The following MYO9A variants were observed in gnomAD, a reference collection of about 807,000 sequenced individuals.
MYO9A encodes unconventional myosin-IXa.
MYO9A carries 103 observed loss-of-function variants against 293.3 expected under a neutral mutation model. The ratio of observed to expected loss-of-function variants is 0.35; its 90% CI spans 0.30 to 0.41. The LOEUF (loss-of-function observed/expected upper bound fraction) is 0.41. MYO9A is among the 10% of genes least tolerant of loss of function. The pLI, the probability that MYO9A is intolerant of heterozygous loss-of-function variation, is 1.00. For synonymous variants in MYO9A, 1,001 were observed against 1,035.7 expected, an observed-to-expected ratio of 0.97 and a Z score of 0.64; for missense variants, 2,685 against 3,033.0, an observed-to-expected ratio of 0.89 and a Z score of 2.69.
At chr15:72,018,104 A>T (rs1372505847) in intron 6 of MYO9A, among the ~76,000 whole-genome samples, 3 of 151,964 alleles carry the variant, frequency 2.0e-5, no homozygotes, top group East Asian at 1.9e-4. Context: ...TATAATTTTT[A>T]AAAAATTAAA....
chr15:72,094,542 G>A lies in MYO9A; in HGVS notation c.-72+23138C>T, dbSNP rs1291965074. On this transcript the variant is annotated intron_variant, in intron 1 of 41. Transcript: ENST00000356056. Reference sequence around the variant, plus strand: ...TATTTATTTTTAGAGACAGGATCTCGCTCTGTCACCCAGGTTGCAGTGCAG... The same window carrying A: ...TATTTATTTTTAGAGACAGGATCTCACTCTGTCACCCAGGTTGCAGTGCAG... Among the ~76,000 whole-genome samples the A allele has an allele frequency of 6.6e-5, 6 of 90,636 alleles. 2 individuals are homozygous for A. The highest frequency in any genetic ancestry group is 1.3e-4 in the Non-Finnish European group (4 of 30,022). 59.5% of individuals were successfully genotyped at this position (90,636 alleles called of 152,430 possible). A position where few individuals can be genotyped will look rare whatever the true frequency, so the allele number is the denominator to read the frequency against.
At chr15:71,957,172 C>T (rs940462331) in intron 14 of MYO9A, among the ~76,000 whole-genome samples, 6 of 152,238 alleles carry the variant, frequency 3.9e-5, no homozygotes, top group East Asian at 3.9e-4. Context: ...AAACGTATTA[C>T]GGAGTGGCTA....
intron 1 of MYO9A, among the ~76,000 whole-genome samples, chr15:72,079,392 A>C (rs765012556): frequency 6.6e-6 from 1 of 152,170 alleles, no homozygotes; most frequent in Non-Finnish European, 1.5e-5. Flanking sequence ...CATACTATAA[A>C]ATTTTGGCAT....
Position 72,010,344 on chromosome 15 carries a change from A to T in MYO9A, c.1253+6T>A, listed in dbSNP as rs1434833965. 1 of 1,610,342 alleles carries T rather than the reference A, an allele frequency of 6.2e-7. No individual in the cohort carries two copies. Among genetic ancestry groups the T allele is most frequent in the Non-Finnish European group, 8.5e-7 (1 of 1,176,922 alleles). ...AGAGATATAAAAATACAACAAGTAA[A>T]CTCACTGTCTTCGTGTCTTGGGAAG... On this transcript the variant is annotated splice_donor_region_variant and intron_variant, in intron 7 of 41. Coordinates refer to ENST00000356056, the MANE Select transcript of MYO9A (RefSeq NM_006901.4).
chr15:71,970,995 G>GA (rs773506265), intron 12 of MYO9A, among the ~76,000 whole-genome samples: 37 of 151,586 alleles, frequency 2.4e-4, no homozygotes, highest in Admixed American at 4.6e-4. Context: ...CATCTCTACT[G>GA]AAAAAACACA....
At chr15:71,901,400 T>A (rs750763357) in intron 22 of MYO9A, 60 bp from the exon 23 acceptor site, 5 of 1,504,376 alleles carry the variant, frequency 3.3e-6, no homozygotes, top group Non-Finnish European at 4.5e-6. Context: ...ATTTATTTCA[T>A]GAATCATCCT....
intron 32 of MYO9A, among the ~76,000 whole-genome samples, chr15:71,866,862 G>A (rs940170495): frequency 1.3e-5 from 2 of 152,064 alleles, no homozygotes; most frequent in Non-Finnish European, 2.9e-5. Flanking sequence ...TTTGAGATCA[G>A]CCTGACCAAC....
At chr15:72,090,320 T>C (rs2079866250) in intron 1 of MYO9A, among the ~76,000 whole-genome samples, 1 of 152,202 alleles carries the variant, frequency 6.6e-6, no homozygotes, top group African/African-American at 2.4e-5. Flanking sequence ...AAATATACCA[T>C]GCATTTCTTA....
intron 1 of MYO9A, chr15:72,116,821 G>C (rs1214274080): frequency 1.3e-5 from 2 of 152,226 alleles, no homozygotes; most frequent in Non-Finnish European, 2.9e-5. Context: ...ACACAGAACA[G>C]ACAAGACGAG....
rs570370353 is a variant in MYO9A at position 72,081,097 on chromosome 15, C to A, written c.-71-34463G>T. 3.9e-5 allele frequency among the ~76,000 whole-genome samples: 6 copies of A among 152,196 alleles called. No individual in the cohort carries two copies. In the South Asian group the frequency reaches 1.2e-3, roughly 32 times the overall value. On this transcript the variant is annotated intron_variant, in intron 1 of 41. Transcript: ENST00000356056. ...GGGTATACACCCAGTAATGAGATTG[C>A]TGGGTTGAATGGTAGTTCTTTTTAG...
chr15:72,046,616 C>A lies in MYO9A; in HGVS notation c.-53G>T. 4 of 1,459,766 alleles carry A rather than the reference C, an allele frequency of 2.7e-6. No homozygotes were observed. The highest frequency in any genetic ancestry group is 3.6e-6 in the Non-Finnish European group (4 of 1,104,200). The allele number at this position is 1,459,766 out of a possible 1,614,324, so 90.4% of individuals were successfully genotyped here. ...AGTATATGTTCAAAGTCGTGCAAAC[C>A]ATTTTCTTGGTAAAATAACTGTAAC... On this transcript the variant is annotated 5_prime_UTR_variant, in exon 2 of 42. It removes an upstream start codon present in the reference 5' UTR. Transcript: ENST00000356056.
chr15:71,961,235 C>CA (rs1442358500), intron 13 of MYO9A, among the ~76,000 whole-genome samples: 1 of 151,962 alleles, frequency 6.6e-6, no homozygotes, highest in African/African-American at 2.4e-5. Flanking sequence ...CATGTAAAGG[C>CA]AAAAAACCTG....
At chr15:71,894,186 T>A (rs1435155881) in intron 25 of MYO9A, among the ~76,000 whole-genome samples, 1 of 152,092 alleles carries the variant, frequency 6.6e-6, no homozygotes, top group Non-Finnish European at 1.5e-5. Flanking sequence ...GGGATGAGGA[T>A]CTCATTATAT....
chr15:71,883,791 TTTG>T, intron 27 of MYO9A, 55 bp from the exon 28 acceptor site: 1 of 1,454,928 alleles, frequency 6.9e-7, no homozygotes, highest in Non-Finnish European at 9.4e-7. Context: ...AGTGATAATA[TTTG>T]TATATATCAC....
intron 18 of MYO9A, among the ~76,000 whole-genome samples, chr15:71,918,460 C>T (rs1057281588): frequency 3.3e-5 from 5 of 151,912 alleles, no homozygotes; most frequent in African/African-American, 1.2e-4. Flanking sequence ...ATCTGTATTT[C>T]CTGACATGGG....
chr15:71,890,393 A>G (rs529821436), intron 26 of MYO9A: 2 of 152,338 alleles, frequency 1.3e-5, no homozygotes, highest in Admixed American at 6.5e-5. Flanking sequence ...GGGGATGATA[A>G]AAGAAAACTG....
At position 72,071,368 on chromosome 15, in the gene MYO9A, G is replaced by A. The variant is rs142958877; in HGVS notation, c.-71-24734C>T. Among the ~76,000 whole-genome samples the A allele has an allele frequency of 2.1e-3, 314 of 152,096 alleles. 12 individuals are homozygous for A. In the East Asian group the frequency reaches 0.052, roughly 25 times the overall value. ...ATATCATCTCACACCAGTCAGAATG[G>A]CTATTATTAAAAAGTCAAAAAAATA... is the stretch of plus-strand genomic sequence containing the variant. On this transcript the variant is annotated intron_variant, in intron 1 of 41. Transcript: ENST00000356056.
intron 33 of MYO9A, 116 bp downstream of exon 33, chr15:71,862,384 G>A (rs1033459461): frequency 6.7e-6 from 5 of 743,250 alleles, no homozygotes; most frequent in South Asian, 6.3e-5. Flanking sequence ...CAAGAGATGA[G>A]GTTAAAAATT....
intron 9 of MYO9A, among the ~76,000 whole-genome samples, chr15:71,996,713 T>C (rs1467861031): frequency 6.6e-6 from 1 of 152,072 alleles, no homozygotes; most frequent in African/African-American, 2.4e-5. Context: ...AATCCATACA[T>C]TTCTCCCTAT....
Sources: gnomAD v4.1 joint callset for allele counts (sites outside exome capture counted in the v4.1 genomes callset) on GRCh38, gnomAD v4.1.1 for gene constraint, MANE v1.5 for transcripts, NCBI Gene and HGNC (gene_info 2026-07-23, HGNC 2026-07-21) for gene names.